Variants in TMEM260 observed in about 807,000 individuals in gnomAD.
TMEM260 encodes protein O-mannosyl-transferase TMEM260.
In TMEM260, 82 loss-of-function variants were observed where a neutral mutation model predicts 88.9. The observed-to-expected ratio is 0.92, with a 90% CI of 0.77 to 1.11. The LOEUF (loss-of-function observed/expected upper bound fraction) is 1.11, where lower values mean the gene tolerates loss of function less well. TMEM260 is among the 50% of genes least tolerant of loss of function. TMEM260 has a pLI of 0.00. For missense variants in TMEM260, 902 were observed against 853.4 expected, an observed-to-expected ratio of 1.06 and a Z score of -0.71; for synonymous variants, 314 against 309.3, an observed-to-expected ratio of 1.02 and a Z score of -0.16.
intron 3 of TMEM260, among the ~76,000 whole-genome samples, chr14:56,589,003 T>G (rs1885687859): frequency 6.6e-6 from 1 of 152,066 alleles, no homozygotes; most frequent in African/African-American, 2.4e-5. Flanking sequence ...ATATAAATCA[T>G]TAACATGAAC....
downstream of TMEM260, among the ~76,000 whole-genome samples, chr14:56,653,770 GGTTA>G (rs1890253397): frequency 1.9e-5 from 2 of 102,644 alleles, no homozygotes; most frequent in East Asian, 3.5e-4. Context: ...ACATCAAAAG[GGTTA>G]GTAAGGGATC....
At chr14:56,612,729 A>G (rs954577419) in intron 7 of TMEM260, 7 of 155,070 alleles carry the variant, frequency 4.5e-5, no homozygotes, top group African/African-American at 1.7e-4. Context: ...TTTAAGGTTA[A>G]TTGAATCCAT....
Position 56,647,245 on chromosome 14 carries a change from T to TTATA in TMEM260, c.1873_1876dup (p.Lys626IlefsTer2). 6.2e-6 allele frequency: 10 copies of TTATA among 1,611,108 alleles called. No homozygotes were observed. Among genetic ancestry groups the TTATA allele is most frequent in the Non-Finnish European group, 8.5e-6 (10 of 1,178,546 alleles). ...CCAACATTTCTGCTGTTTTCTAGCTTTATAAGGAGATTGTCTATTTACAAA... is the reference window on the plus strand; with the variant it reads ...CCAACATTTCTGCTGTTTTCTAGCTTTATATATAAGGAGATTGTCTATTTACAAA... On this transcript the variant is annotated frameshift_variant, in exon 16 of 16. Transcript: ENST00000261556. LOFTEE classifies it high-confidence loss of function.
rs753447899 is a variant in TMEM260 at position 56,647,545 on chromosome 14, T to C, written c.*48T>C. ...GCTCATCGTTCAGCTTCCAAAATTC[T>C]GAAGTCTGGAAGTTTTTCCTTCAAG... On this transcript the variant is annotated 3_prime_UTR_variant, in exon 16 of 16. Transcript: ENST00000261556. 6.5e-7 allele frequency: 1 copy of C among 1,537,508 alleles called. No individual in the cohort carries two copies. The highest frequency in any genetic ancestry group is 2.3e-5 in the East Asian group (1 of 44,304).
intron 3 of TMEM260, among the ~76,000 whole-genome samples, chr14:56,590,802 G>T (rs1050722238): frequency 6.6e-6 from 1 of 152,206 alleles, no homozygotes; most frequent in African/African-American, 2.4e-5. Flanking sequence ...TTCTCCAATT[G>T]TAATATGAGA....
chr14:56,606,075 C>T (rs1886883531), intron 5 of TMEM260, among the ~76,000 whole-genome samples: 1 of 152,168 alleles, frequency 6.6e-6, no homozygotes, highest in African/African-American at 2.4e-5. Context: ...ACTCCAGGTG[C>T]TGAAGAGTCA....
At chr14:56,613,565 A>G (rs1255966247) in intron 7 of TMEM260, 1 of 152,182 alleles carries the variant, frequency 6.6e-6, no homozygotes, top group Non-Finnish European at 1.5e-5. Flanking sequence ...GTAGGATCAT[A>G]GTAAACATAC....
chr14:56,624,573 A>G (rs986157953), intron 11 of TMEM260, among the ~76,000 whole-genome samples: 3 of 152,178 alleles, frequency 2.0e-5, no homozygotes, highest in African/African-American at 7.2e-5. Context: ...TCTCAAAATA[A>G]TAATAATAAA....
At chr14:56,662,870 G>A in the TMEM260 span, among the ~76,000 whole-genome samples, 1 of 152,240 alleles carries the variant, frequency 6.6e-6, no homozygotes, top group Non-Finnish European at 1.5e-5. Context: ...GGCTACGCCT[G>A]TAATCCCAGC....
chr14:56,614,042 G>A (rs1887448870), intron 7 of TMEM260: 1 of 151,820 alleles, frequency 6.6e-6, no homozygotes, highest in Non-Finnish European at 1.5e-5. Context: ...CTGAGTAGCT[G>A]GGATTACAGG....
intron 15 of TMEM260, chr14:56,638,320 T>TA (rs1280870247): frequency 1.3e-5 from 2 of 150,520 alleles, no homozygotes; most frequent in African/African-American, 4.9e-5. Context: ...ATTTTTTTTC[T>TA]AAAAAAGAAA....
At chr14:56,594,085 T>C (rs1336427853) in intron 3 of TMEM260, among the ~76,000 whole-genome samples, 1 of 152,232 alleles carries the variant, frequency 6.6e-6, no homozygotes, top group Non-Finnish European at 1.5e-5. Flanking sequence ...TAATATGATT[T>C]TTATCTTTCT....
At chr14:56,636,695 T>TATTA (rs958896822) in intron 15 of TMEM260, 97 bp downstream of exon 15, 15 of 1,053,664 alleles carry the variant, frequency 1.4e-5, no homozygotes, top group Non-Finnish European at 2.1e-5. Flanking sequence ...TTAGAATTTT[T>TATTA]ATTATTTTAT....
intron 12 of TMEM260, among the ~76,000 whole-genome samples, chr14:56,628,822 TTAATA>T (rs1289530110): frequency 6.6e-6 from 1 of 152,168 alleles, no homozygotes; most frequent in Non-Finnish European, 1.5e-5. Flanking sequence ...CCATTTGCAT[TTAATA>T]TAAATATTGA....
At chr14:56,645,694 AAAC>A (rs1194348923) in intron 15 of TMEM260, among the ~76,000 whole-genome samples, 8 of 152,176 alleles carry the variant, frequency 5.3e-5, no homozygotes, top group Admixed American at 2.0e-4. Flanking sequence ...GATATCTGTA[AAAC>A]AACAACAAAA....
At chr14:56,638,763 A>T (rs1889328186) in intron 15 of TMEM260, among the ~76,000 whole-genome samples, 1 of 152,198 alleles carries the variant, frequency 6.6e-6, no homozygotes, top group Non-Finnish European at 1.5e-5. Context: ...AATAGCTCAT[A>T]CAGAATATTA....
intron 1 of TMEM260, among the ~76,000 whole-genome samples, chr14:56,583,648 G>T (rs1209624123): frequency 6.6e-6 from 1 of 152,272 alleles, no homozygotes; most frequent in Non-Finnish European, 1.5e-5. Context: ...GGAGGAAGAA[G>T]TGATTAATTC....
At chr14:56,638,226 T>G (rs1438467291) in intron 15 of TMEM260, 1 of 151,908 alleles carries the variant, frequency 6.6e-6, no homozygotes, top group Non-Finnish European at 1.5e-5. Context: ...GCTGGAGTTC[T>G]GTCTGGCAGT....
intron 15 of TMEM260, among the ~76,000 whole-genome samples, chr14:56,639,421 A>ATAAATATATACACCAACTGTGTACCTGC (rs1889390416): frequency 1.3e-5 from 2 of 152,220 alleles, no homozygotes. Context: ...CATGTACCTT[A>ATAAATATATACACCAACTGTGTACCTGC]TAAATATATA....
Sources: allele counts gnomAD v4.1 joint callset (sites outside exome capture counted in the v4.1 genomes callset), GRCh38; gene constraint gnomAD v4.1.1; transcripts MANE v1.5; gene names NCBI Gene and HGNC (gene_info 2026-07-23, HGNC 2026-07-21).